The following COL2A1 variants were observed in gnomAD, a reference collection of about 807,000 sequenced individuals.
The protein encoded by COL2A1 is collagen type II alpha 1 chain, also known as collagen alpha-1(II) chain.
A neutral mutation model predicts 204.5 loss-of-function variants in COL2A1; 28 were observed. The ratio of observed to expected loss-of-function variants is 0.14; its 90% CI spans 0.10 to 0.19. COL2A1 has a LOEUF of 0.19. COL2A1 is among the 10% of genes least tolerant of loss of function. COL2A1 has a pLI of 1.00. For missense variants in COL2A1, 1,388 were observed against 2,027.5 expected, an observed-to-expected ratio of 0.68 and a Z score of 6.06; for synonymous variants, 708 against 718.7, an observed-to-expected ratio of 0.99 and a Z score of 0.24.
chr12:48,002,707 C>T (rs192128720), intron 1 of COL2A1: 14 of 152,382 alleles, frequency 9.2e-5, no homozygotes, highest in Admixed American at 9.1e-4. Context: ...GCTTTGTGGG[C>T]GTGTGCTTGT....
rs1939580256 is a variant in COL2A1 at position 47,989,167 on chromosome 12, T to G, written c.1122+61A>C. 3 of 1,422,028 alleles carry G rather than the reference T, an allele frequency of 2.1e-6. No individual in the cohort carries two copies. In the South Asian group the frequency reaches 3.6e-5, roughly 17 times the overall value. 88.1% of individuals were successfully genotyped at this position (1,422,028 alleles called of 1,614,324 possible). On this transcript the variant is annotated intron_variant, in intron 18 of 53. Transcript: ENST00000380518. The stretch of plus-strand genomic sequence containing the variant: ...TGTTGAGGGAGCAATGAGCAAGGGT[T>G]ACGGGGAAAGGACAGCTTCTCGGCA...
chr12:48,004,405 C>A lies in COL2A1; in HGVS notation c.-84G>T. 1.3e-6 allele frequency: 1 copy of A among 785,852 alleles called. No individual in the cohort carries two copies. The highest frequency in any genetic ancestry group is 1.6e-5 in the South Asian group (1 of 61,302). The allele number at this position is 785,852 out of a possible 1,614,324, so 48.7% of individuals were successfully genotyped here. On this transcript the variant is annotated 5_prime_UTR_variant, in exon 1 of 54. Coordinates refer to ENST00000380518, the MANE Select transcript of COL2A1 (RefSeq NM_001844.5). ...GCACGGCGCGGGTCCGGGTCTCTACCGCGCCCTCATGCAGGAGGCCCTTGG... is the reference window on the plus strand; with the variant it reads ...GCACGGCGCGGGTCCGGGTCTCTACAGCGCCCTCATGCAGGAGGCCCTTGG...
intron 1 of COL2A1, among the ~76,000 whole-genome samples, chr12:48,002,277 G>A (rs561524819): frequency 2.6e-4 from 40 of 152,318 alleles, no homozygotes; most frequent in African/African-American, 8.9e-4. Context: ...ATGCAGATGA[G>A]GGTCAAAGAC....
chr12:47,986,491 T>G (rs1327654802), intron 22 of COL2A1, 48 bp from the exon 23 acceptor site: 5 of 1,235,194 alleles, frequency 4.0e-6, no homozygotes, highest in Non-Finnish European at 5.8e-6. Flanking sequence ...CACCTGGCCT[T>G]GGAGCAAGCC....
At chr12:47,975,867 G>T in intron 50 of COL2A1, 96 bp downstream of exon 50, 1 of 962,280 alleles carries the variant, frequency 1.0e-6, no homozygotes, top group Non-Finnish European at 1.7e-6. Flanking sequence ...GTTAGCTGCA[G>T]GCTGATGCCC....
chr12:47,977,770 T>G (rs1182795486), intron 44 of COL2A1, 117 bp from the exon 45 acceptor site: 12 of 1,222,034 alleles, frequency 9.8e-6, no homozygotes, highest in Middle Eastern at 1.9e-4. Flanking sequence ...TCACTCACAC[T>G]TTGAAGCCAA....
intron 36 of COL2A1, 40 bp from the exon 37 acceptor site, chr12:47,981,436 T>G (rs2136542431): frequency 6.3e-7 from 1 of 1,583,354 alleles, no homozygotes; most frequent in Non-Finnish European, 8.6e-7. Flanking sequence ...GGTAAGAAGG[T>G]GGGGAGGCAG....
In COL2A1 at chr12:47,982,586, G is replaced by A. The variant is rs772421531; in HGVS notation, c.2217C>T (p.Pro739=). The A allele has an allele frequency of 4.3e-6, 7 of 1,613,180 alleles. No homozygotes were observed. Among genetic ancestry groups the A allele is most frequent in the South Asian group, 3.3e-5 (3 of 91,054 alleles). Residue 739 remains proline, a synonymous_variant, in exon 34 of 54, where the codon CCC becomes CCT. Coordinates refer to ENST00000380518, the MANE Select transcript of COL2A1 (RefSeq NM_001844.5). ...GPKGASGPAG[P]PGAQGPPGLQ... ...GACCTGGAGGGCCCTGAGCCCCAGG[G>A]GGGCCTGCTGGGCCAGATGCACCCT... is the stretch of plus-strand genomic sequence containing the variant.
intron 11 of COL2A1, 65 bp from the exon 12 acceptor site, chr12:47,994,542 A>C: frequency 6.4e-7 from 1 of 1,568,514 alleles, no homozygotes; most frequent in Non-Finnish European, 8.7e-7. Context: ...GGGGCACCCC[A>C]GAGGGCTTCC....
At chr12:47,995,833 A>G in intron 9 of COL2A1, 42 bp downstream of exon 9, 1 of 1,609,908 alleles carries the variant, frequency 6.2e-7, no homozygotes, top group Non-Finnish European at 8.5e-7. Context: ...CTTGGGAATC[A>G]TCTGCGACAC....
chr12:47,977,048 G>T, intron 47 of COL2A1, 54 bp downstream of exon 47: 1 of 1,572,220 alleles, frequency 6.4e-7, no homozygotes, highest in Non-Finnish European at 8.7e-7. Context: ...GAGGCTGGCT[G>T]CCCTCCCAGC....
rs1793915 is a variant in COL2A1, at chr12:47,992,794, G to T, written c.1023+84C>A. 0.81 allele frequency: 1,152,414 copies of T among 1,417,896 alleles called. 473,984 individuals are homozygous for T. The highest frequency in any genetic ancestry group is 0.86 in the Non-Finnish European group (860,276 of 1,005,150). 87.8% of individuals were successfully genotyped at this position (1,417,896 alleles called of 1,614,324 possible). ...AACAATACTCCCTATGCCTCACAGG[G>T]TTGTTTCGAGGGTCAAGAGAAACAA... On this transcript the variant is annotated intron_variant, in intron 16 of 53. Coordinates refer to ENST00000380518, the MANE Select transcript of COL2A1 (RefSeq NM_001844.5).
At chr12:47,982,218 C>T in intron 34 of COL2A1, 58 bp from the exon 35 acceptor site, 1 of 1,479,836 alleles carries the variant, frequency 6.8e-7, no homozygotes, top group Non-Finnish European at 9.4e-7. Flanking sequence ...CCATGGTTTG[C>T]TCAGTCCCAC....
chr12:47,981,107 G>T (rs1027879636), intron 37 of COL2A1, 139 bp from the exon 38 acceptor site: 5 of 937,042 alleles, frequency 5.3e-6, no homozygotes, highest in South Asian at 3.3e-5. Context: ...AGTCCTGAAC[G>T]CAGGCAGAGG....
intron 34 of COL2A1, 136 bp from the exon 35 acceptor site, chr12:47,982,296 T>G: frequency 1.2e-6 from 1 of 862,694 alleles, no homozygotes; most frequent in South Asian, 1.4e-5. Flanking sequence ...TCAGGGTGGG[T>G]GAGGAGCAGC....
At chr12:47,982,674 A>G in intron 33 of COL2A1, 65 bp from the exon 34 acceptor site, 2 of 1,352,866 alleles carry the variant, frequency 1.5e-6, no homozygotes, top group South Asian at 1.2e-5. Flanking sequence ...ATGTTCATGG[A>G]GCCTGGGTAA....
At position 47,984,578 on chromosome 12, in the gene COL2A1, C is replaced by T. The variant is rs1431778644; in HGVS notation, c.1855G>A (p.Glu619Lys). 1.5e-5 allele frequency: 25 copies of T among 1,614,174 alleles called. No homozygotes were observed. Among genetic ancestry groups the T allele is most frequent in the Non-Finnish European group, 2.1e-5 (25 of 1,180,022 alleles). Reference protein sequence around the residue: ...GANGEPGKAGEKGLPGAPGLR... With the variant: ...GANGEPGKAGKKGLPGAPGLR... Reference sequence around the variant, plus strand: ...CCAGGAGCACCAGGCAGTCCCTTCTCACCAGCTTTGCCAGGCTCACCCTGA... The same window carrying T: ...CCAGGAGCACCAGGCAGTCCCTTCTTACCAGCTTTGCCAGGCTCACCCTGA... The change falls in exon 28 of 54, where the codon GAG becomes AAG. Residue 619 changes from glutamate to lysine, a missense_variant. Coordinates refer to ENST00000380518, the MANE Select transcript of COL2A1 (RefSeq NM_001844.5).
At position 47,978,483 on chromosome 12, in the gene COL2A1, G is replaced by A. The variant is rs894434249; in HGVS notation, c.2896-85C>T. 44 of 1,572,852 alleles carry A rather than the reference G, an allele frequency of 2.8e-5. No homozygotes were observed. Among genetic ancestry groups the A allele is most frequent in the East Asian group, 1.6e-4 (7 of 43,142 alleles). ...AGCACAGCTCTGTCTGTGCAGCCCC[G>A]CTCCCTGGCATCCCCACGGCCCCTG... On this transcript the variant is annotated intron_variant, in intron 42 of 53. Coordinates refer to ENST00000380518, the MANE Select transcript of COL2A1 (RefSeq NM_001844.5). The surrounding 1 kb of genome is among the most constrained non-coding windows in gnomAD (Gnocchi z 5.5).
chr12:48,000,657 G>A (rs1940194064), intron 1 of COL2A1, among the ~76,000 whole-genome samples: 1 of 152,208 alleles, frequency 6.6e-6, no homozygotes, highest in Non-Finnish European at 1.5e-5. Flanking sequence ...CAGAGGGAAT[G>A]TAGAAAATTC....
Sources: allele counts gnomAD v4.1 joint callset (sites outside exome capture counted in the v4.1 genomes callset), GRCh38; gene constraint gnomAD v4.1.1; non-coding constraint Gnocchi (gnomAD v3.1); transcripts MANE v1.5; gene names NCBI Gene and HGNC (gene_info 2026-07-23, HGNC 2026-07-21).